GATAD2B: variants seen among roughly 807,000 people sequenced by gnomAD.
GATAD2B encodes GATA zinc finger domain containing 2B.
A neutral mutation model predicts 64.3 loss-of-function variants in GATAD2B; 8 were observed. The observed-to-expected ratio is 0.12, with a 90% CI of 0.07 to 0.22. GATAD2B has a LOEUF of 0.22. Among genes scored for constraint, GATAD2B ranks in the 10% least tolerant of loss-of-function variants. GATAD2B has a pLI of 1.00. For missense variants in GATAD2B, 453 were observed against 752.0 expected (o/e 0.60, Z 4.65); for synonymous variants, 281 against 271.3 (o/e 1.04, Z -0.35).
intron 1 of GATAD2B, among the ~76,000 whole-genome samples, chr1:153,913,175 G>A (rs1201822845): frequency 6.6e-6 from 1 of 151,726 alleles, no homozygotes; most frequent in African/African-American, 2.4e-5. Context: ...CGATCCACCC[G>A]CCTCAGCCTC....
At chr1:153,901,960 G>A (rs1677789893) in intron 1 of GATAD2B, among the ~76,000 whole-genome samples, 1 of 142,420 alleles carries the variant, frequency 7.0e-6, no homozygotes, top group Non-Finnish European at 1.5e-5. Flanking sequence ...GAGAGCAGGG[G>A]CCAATCAGAC....
intron 1 of GATAD2B, among the ~76,000 whole-genome samples, chr1:153,918,347 C>T (rs148992326): frequency 6.6e-6 from 1 of 152,302 alleles, no homozygotes; most frequent in East Asian, 1.9e-4. Context: ...GTCCAATCTG[C>T]CACATATTAG....
intron 1 of GATAD2B, among the ~76,000 whole-genome samples, chr1:153,886,218 A>C (rs1172024248): frequency 1.3e-5 from 2 of 152,246 alleles, no homozygotes; most frequent in East Asian, 3.8e-4. Flanking sequence ...ATACATTCTG[A>C]AAAATACATG....
chr1:153,827,949 C>T (rs1406400130), intron 2 of GATAD2B, 64 bp downstream of exon 2: 3 of 1,132,476 alleles, frequency 2.6e-6, no homozygotes, highest in Non-Finnish European at 3.9e-6. Flanking sequence ...CATTGGAATT[C>T]ATTCCATTTT....
intron 1 of GATAD2B, among the ~76,000 whole-genome samples, chr1:153,900,964 A>G (rs1677749509): frequency 6.6e-6 from 1 of 152,184 alleles, no homozygotes. Flanking sequence ...CTGTAATCCC[A>G]GAACTTTGGG....
At chr1:153,848,973 A>ACCCCCC (rs113142203) in intron 1 of GATAD2B, among the ~76,000 whole-genome samples, 3 of 141,386 alleles carry the variant, frequency 2.1e-5, no homozygotes, top group South Asian at 2.2e-4. Context: ...AAACAAACAA[A>ACCCCCC]CCCCCCCCCT....
intron 5 of GATAD2B, 140 bp downstream of exon 5, chr1:153,817,900 A>G (rs1674536107): frequency 5.6e-6 from 4 of 718,172 alleles, no homozygotes; most frequent in Non-Finnish European, 9.1e-6. Flanking sequence ...AAATCATGCC[A>G]TAATGGGCCA....
rs555952732 is a variant in GATAD2B at position 153,882,003 on chromosome 1, G to A, written c.-2+40730C>T. Among the ~76,000 whole-genome samples the A allele has an allele frequency of 2.6e-5, 4 of 152,186 alleles. No individual in the cohort carries two copies. The East Asian group carries it at 7.7e-4, about 29-fold the overall frequency. ...CTGTTATATTAAACAAAAGAAACAG[G>A]GGGATGCTTACTTTTACCCATGATG... On this transcript the variant is annotated intron_variant, in intron 1 of 10. Coordinates refer to ENST00000368655, the MANE Select transcript of GATAD2B (RefSeq NM_020699.4).
chr1:153,922,209 G>C (rs1250503153), intron 1 of GATAD2B, among the ~76,000 whole-genome samples: 1 of 151,344 alleles, frequency 6.6e-6, no homozygotes, highest in East Asian at 2.0e-4. Context: ...TTCCCCATTC[G>C]TCCCATCCGC....
At chr1:153,895,256 C>T (rs1005508341) in intron 1 of GATAD2B, among the ~76,000 whole-genome samples, 3 of 152,002 alleles carry the variant, frequency 2.0e-5, no homozygotes, top group Non-Finnish European at 4.4e-5. Context: ...ATCAGGTGAA[C>T]CTGGGAGGCA....
rs999053957 is a variant in GATAD2B at position 153,861,876 on chromosome 1, G to A, written c.-1-33528C>T. On this transcript the variant is annotated intron_variant, in intron 1 of 10. Coordinates refer to ENST00000368655, the MANE Select transcript of GATAD2B (RefSeq NM_020699.4). ...TATATGTATATATGTATATATATGT[G>A]TATATATATATATGCATATCACTAA... Among the ~76,000 whole-genome samples the A allele has an allele frequency of 3.5e-5, 5 of 144,100 alleles. No individual in the cohort carries two copies. The East Asian group carries it at 9.9e-4, about 28-fold the overall frequency. The allele number at this position is 144,100 out of a possible 152,430, so 94.5% of individuals were successfully genotyped here. A position where few individuals can be genotyped will look rare whatever the true frequency, so the allele number is the denominator to read the frequency against.
chr1:153,824,569 G>C (rs921701905), intron 2 of GATAD2B, among the ~76,000 whole-genome samples: 2 of 131,192 alleles, frequency 1.5e-5, no homozygotes, highest in African/African-American at 2.9e-5. Flanking sequence ...CCAAGATTGC[G>C]CCACTTTACT....
intron 1 of GATAD2B, among the ~76,000 whole-genome samples, chr1:153,857,598 T>C (rs59601852): frequency 0.012 from 1,814 of 152,232 alleles, 38 homozygotes; most frequent in African/African-American, 0.041. Context: ...ATATTCACTA[T>C]AGTCCCCTTA....
intron 1 of GATAD2B, among the ~76,000 whole-genome samples, chr1:153,863,772 T>A (rs1377932322): frequency 6.6e-6 from 1 of 151,934 alleles, no homozygotes; most frequent in Non-Finnish European, 1.5e-5. Flanking sequence ...TACAGGCACG[T>A]GCCACAATGC....
intron 1 of GATAD2B, chr1:153,853,233 C>A: frequency 9.2e-7 from 1 of 1,091,400 alleles, no homozygotes; most frequent in Non-Finnish European, 1.4e-6. Context: ...CTGGTCATGG[C>A]CACCGAGGTG....
chr1:153,818,300 G>T, intron 4 of GATAD2B, 129 bp from the exon 5 acceptor site: 1 of 718,462 alleles, frequency 1.4e-6, no homozygotes, highest in Non-Finnish European at 2.2e-6. Context: ...CCAGAAAAAG[G>T]GAGTCAAGGT....
chr1:153,822,765 G>C (rs1346572079), intron 2 of GATAD2B, among the ~76,000 whole-genome samples: 2 of 152,214 alleles, frequency 1.3e-5, no homozygotes, highest in African/African-American at 2.4e-5. Flanking sequence ...CCAAAGAGCT[G>C]GGATTACAGG....
intron 2 of GATAD2B, among the ~76,000 whole-genome samples, chr1:153,826,073 G>A (rs532765574): frequency 5.9e-5 from 9 of 151,812 alleles, no homozygotes; most frequent in African/African-American, 1.4e-4. Context: ...GAGCAATCGC[G>A]GCTCACTGCA....
intron 1 of GATAD2B, among the ~76,000 whole-genome samples, chr1:153,865,535 A>C (rs1479484585): frequency 1.2e-4 from 18 of 152,306 alleles, no homozygotes; most frequent in Admixed American, 3.9e-4. Context: ...CACACCAAGG[A>C]TGGTAAGTGG....
Sources: allele counts gnomAD v4.1 joint callset (sites outside exome capture counted in the v4.1 genomes callset), GRCh38; gene constraint gnomAD v4.1.1; transcripts MANE v1.5; gene names NCBI Gene and HGNC (gene_info 2026-07-23, HGNC 2026-07-21).